Variants in PABPC4L observed in about 807,000 individuals in gnomAD.
PABPC4L encodes polyadenylate-binding protein 4-like.
For missense variants in PABPC4L, 452 were observed against 451.4 expected, an observed-to-expected ratio of 1.00 and a Z score of -0.01; for synonymous variants, 169 against 164.1, an observed-to-expected ratio of 1.03 and a Z score of -0.23.
the PABPC4L span, among the ~76,000 whole-genome samples, chr4:134,112,606 C>CTATCTATA: frequency 1.5e-3 from 214 of 145,700 alleles, no homozygotes; most frequent in African/African-American, 5.5e-3. Context: ...ATCTATCTAT[C>CTATCTATA]TATCTATCTA....
the PABPC4L span, among the ~76,000 whole-genome samples, chr4:134,110,064 C>T: frequency 6.6e-6 from 1 of 152,012 alleles, no homozygotes; most frequent in East Asian, 1.9e-4. Flanking sequence ...ATATCACTTG[C>T]TTTTCTACCT....
At chr4:133,999,341 A>T in the PABPC4L span, among the ~76,000 whole-genome samples, 9 of 152,080 alleles carry the variant, frequency 5.9e-5, no homozygotes, top group African/African-American at 2.2e-4. Context: ...GTCTACTGCC[A>T]TCAAACCTAA....
the PABPC4L span, among the ~76,000 whole-genome samples, chr4:134,062,258 G>A: frequency 3.9e-5 from 6 of 152,012 alleles, no homozygotes; most frequent in South Asian, 1.2e-3. Context: ...CAAATTCAGG[G>A]AGTATATGAT....
chr4:134,066,246 T>C, the PABPC4L span, among the ~76,000 whole-genome samples: 1 of 152,146 alleles, frequency 6.6e-6, no homozygotes, highest in South Asian at 2.1e-4. Context: ...TAATTCTCAT[T>C]GTAGACATAT....
the PABPC4L span, among the ~76,000 whole-genome samples, chr4:134,050,937 AG>A: frequency 6.7e-6 from 1 of 150,158 alleles, no homozygotes; most frequent in African/African-American, 2.5e-5. Context: ...AGTTTTCAAA[AG>A]GGTTGACATT....
chr4:133,971,680 A>G, the PABPC4L span, among the ~76,000 whole-genome samples: 1 of 152,304 alleles, frequency 6.6e-6, no homozygotes, highest in East Asian at 1.9e-4. Flanking sequence ...CACCTCTGTC[A>G]CTTGGTCTTT....
At chr4:134,115,617 A>G in the PABPC4L span, among the ~76,000 whole-genome samples, 5 of 151,810 alleles carry the variant, frequency 3.3e-5, no homozygotes. Flanking sequence ...ATCTTCATGC[A>G]GAAGAGAAAA....
the PABPC4L span, among the ~76,000 whole-genome samples, chr4:134,088,181 G>C: frequency 6.6e-6 from 1 of 151,826 alleles, no homozygotes; most frequent in Non-Finnish European, 1.5e-5. Flanking sequence ...ATATTCTGGG[G>C]TTTACTCCTT....
chr4:133,984,192 G>A, the PABPC4L span, among the ~76,000 whole-genome samples: 1 of 151,736 alleles, frequency 6.6e-6, no homozygotes. Flanking sequence ...GATAATTATT[G>A]ACTTTAAAAA....
the PABPC4L span, among the ~76,000 whole-genome samples, chr4:133,986,865 A>G: frequency 4.3e-4 from 65 of 151,918 alleles, no homozygotes; most frequent in Non-Finnish European, 6.6e-4. Context: ...CCTCCGGAGT[A>G]GCTGGAACTA....
the PABPC4L span, among the ~76,000 whole-genome samples, chr4:134,173,063 A>G: frequency 6.7e-6 from 1 of 149,154 alleles, no homozygotes; most frequent in East Asian, 2.1e-4. Flanking sequence ...GCAATAACAA[A>G]TGCTGATGAG....
chr4:134,145,238 T>G, the PABPC4L span, among the ~76,000 whole-genome samples: 1 of 151,706 alleles, frequency 6.6e-6, no homozygotes, highest in Non-Finnish European at 1.5e-5. Context: ...TTTATAACAA[T>G]AAATAAATAC....
the PABPC4L span, among the ~76,000 whole-genome samples, chr4:133,961,311 T>C: frequency 6.6e-6 from 1 of 152,020 alleles, no homozygotes; most frequent in African/African-American, 2.4e-5. Flanking sequence ...AGAAGAGAGA[T>C]AACAATCCCT....
At chr4:133,959,449 T>C in the PABPC4L span, among the ~76,000 whole-genome samples, 1 of 152,168 alleles carries the variant, frequency 6.6e-6, no homozygotes. Context: ...AGGGAAGTAT[T>C]TCCAGAAAGA....
At chr4:133,986,613 C>A in the PABPC4L span, among the ~76,000 whole-genome samples, 2 of 151,506 alleles carry the variant, frequency 1.3e-5, no homozygotes, top group Admixed American at 1.3e-4. Flanking sequence ...ACTAATAGAC[C>A]AATATGGTCA....
chr4:134,092,925 G>A, the PABPC4L span, among the ~76,000 whole-genome samples: 58 of 151,960 alleles, frequency 3.8e-4, no homozygotes, highest in African/African-American at 1.4e-3. Context: ...TTTTTTCTAC[G>A]GAAATTTGAC....
chr4:134,117,926 C>T, the PABPC4L span, among the ~76,000 whole-genome samples: 5 of 151,750 alleles, frequency 3.3e-5, no homozygotes, highest in Middle Eastern at 3.4e-3. Context: ...GAAGTAATAA[C>T]TCCTCTCAAA....
At chr4:133,986,374 T>C in the PABPC4L span, among the ~76,000 whole-genome samples, 1 of 151,852 alleles carries the variant, frequency 6.6e-6, no homozygotes, top group Non-Finnish European at 1.5e-5. Flanking sequence ...TTAAGTAAAA[T>C]GAAGCACATT....
the PABPC4L span, among the ~76,000 whole-genome samples, chr4:134,038,035 G>A: frequency 1.3e-5 from 2 of 152,042 alleles, no homozygotes; most frequent in East Asian, 3.9e-4. Context: ...AGTATGAAGG[G>A]CTGTTGAATG....
Sources: allele counts gnomAD v4.1 joint callset (sites outside exome capture counted in the v4.1 genomes callset), GRCh38; gene constraint gnomAD v4.1.1; transcripts MANE v1.5; gene names NCBI Gene and HGNC (gene_info 2026-07-23, HGNC 2026-07-21).